Variants in KCNK4 observed in about 807,000 individuals in gnomAD.
KCNK4 encodes potassium two pore domain channel subfamily K member 4, also known as potassium channel subfamily K member 4.
KCNK4 carries 22 observed loss-of-function variants against 28.8 expected under a neutral mutation model. The observed-to-expected ratio is 0.76, with a 90% CI of 0.55 to 1.09. The LOEUF is 1.09. KCNK4 is among the 50% of genes least tolerant of loss of function. The pLI is 0.00. For missense variants in KCNK4, 483 were observed against 546.3 expected, an observed-to-expected ratio of 0.88 and a Z score of 1.15; for synonymous variants, 263 against 252.9, an observed-to-expected ratio of 1.04 and a Z score of -0.38.
At position 64,297,173 on chromosome 11, in the gene KCNK4, A is replaced by T; in HGVS notation, c.368A>T (p.Tyr123Phe). 1 of 1,614,042 alleles carries T rather than the reference A, an allele frequency of 6.2e-7. No individual in the cohort carries two copies. The highest frequency in any genetic ancestry group is 8.5e-7 in the Non-Finnish European group (1 of 1,180,016). Residue 123 changes from tyrosine to phenylalanine, a missense_variant, in exon 4 of 7, where the codon TAT becomes TTT. Tyr to Phe is a conservative substitution (Grantham distance 22). Transcript: ENST00000422670. ...TDAGRLFCIF[Y>F]ALVGIPLFGI... ...GCCGGGCGCCTCTTCTGCATCTTTT[A>T]TGCGCTGGTGGGGATTCCGCTGTTT...
Position 64,299,908 on chromosome 11 carries a change from C to A in KCNK4, c.*182C>A, listed in dbSNP as rs1245415659. 2.5e-6 allele frequency: 3 copies of A among 1,203,940 alleles called. No homozygotes were observed. Among genetic ancestry groups the A allele is most frequent in the South Asian group, 1.4e-5 (1 of 71,062 alleles). The allele number at this position is 1,203,940 out of a possible 1,614,324, so 74.6% of individuals were successfully genotyped here. ...TCACTTCCATCCATCTCTAGACCCC[C>A]CCAAGGCTTTCTGTGTCGCTGCCCC... On this transcript the variant is annotated 3_prime_UTR_variant, in exon 7 of 7. Transcript: ENST00000422670.
intron 4 of KCNK4, 46 bp downstream of exon 4, chr11:64,297,325 A>C (rs757388115): frequency 6.3e-7 from 1 of 1,585,272 alleles, no homozygotes; most frequent in Non-Finnish European, 8.6e-7. Flanking sequence ...GGCTCCGGCT[A>C]CCCTTCCCCA....
intron 2 of KCNK4, among the ~76,000 whole-genome samples, chr11:64,294,532 A>AG (rs1477457756): frequency 2.6e-5 from 4 of 151,512 alleles, no homozygotes; most frequent in South Asian, 2.1e-4. Flanking sequence ...AAAAAAAAAA[A>AG]AAAAGAAAGT....
intron 1 of KCNK4, 172 bp from the exon 2 acceptor site, chr11:64,292,770 G>C: frequency 3.3e-6 from 2 of 600,176 alleles, no homozygotes; most frequent in Non-Finnish European, 4.9e-6. Flanking sequence ...GGGCAGCGGA[G>C]GTAAGGGGAA....
At chr11:64,292,773 A>C in intron 1 of KCNK4, 169 bp from the exon 2 acceptor site, 14 of 567,840 alleles carry the variant, frequency 2.5e-5, no homozygotes, top group Admixed American at 4.7e-5. Context: ...CAGCGGAGGT[A>C]AGGGGAAGGC....
At chr11:64,297,751 T>C in intron 5 of KCNK4, 98 bp downstream of exon 5, 2 of 1,288,266 alleles carry the variant, frequency 1.6e-6, no homozygotes, top group Non-Finnish European at 1.1e-6. Context: ...ATGTGGTTGC[T>C]CTAACCCCTG....
intron 2 of KCNK4, among the ~76,000 whole-genome samples, chr11:64,293,529 G>C (rs1223370754): frequency 6.6e-6 from 1 of 152,128 alleles, no homozygotes; most frequent in Non-Finnish European, 1.5e-5. Flanking sequence ...CATTTGCACA[G>C]GTCTCACTCA....
chr11:64,291,809 G>A (rs2034635396), intron 1 of KCNK4: 1 of 158,782 alleles, frequency 6.3e-6, no homozygotes, highest in African/African-American at 2.4e-5. Context: ...GGGCTCCGGT[G>A]CGCGGGCAGG....
In KCNK4 at chr11:64,292,945, C is replaced by T. The variant is rs1479315607; in HGVS notation, c.-74C>T. The T allele has an allele frequency of 6.8e-7, 1 of 1,469,286 alleles. No individual in the cohort carries two copies. The highest frequency in any genetic ancestry group is 1.4e-5 in the South Asian group (1 of 73,180). 91.0% of individuals were successfully genotyped at this position (1,469,286 alleles called of 1,614,324 possible). ...GCATCCCTGGTTTTGCCCGCAGTGA[C>T]GACAGCTCCCCAGGAGCCCCCCGCC... On this transcript the variant is annotated 5_prime_UTR_variant, in exon 2 of 7. In the 5' UTR this introduces an upstream ATG that the reference lacks. Coordinates refer to ENST00000422670, the MANE Select transcript of KCNK4 (RefSeq NM_033310.3).
Position 64,297,177 on chromosome 11 carries a change from G to T in KCNK4, c.372G>T (p.Ala124=), listed in dbSNP as rs771505918. 4 of 1,614,030 alleles carry T rather than the reference G, an allele frequency of 2.5e-6. No individual in the cohort carries two copies. The highest frequency in any genetic ancestry group is 3.4e-6 in the Non-Finnish European group (4 of 1,180,042). The change falls in exon 4 of 7, where the codon GCG becomes GCT. Residue 124 remains alanine (A), a synonymous_variant. Transcript: ENST00000422670. ...GGCGCCTCTTCTGCATCTTTTATGC[G>T]CTGGTGGGGATTCCGCTGTTTGGGA... ...DAGRLFCIFY[A]LVGIPLFGIL...
Position 64,297,544 on chromosome 11 carries a change from C to T in KCNK4, c.552C>T (p.Val184=). Reference sequence around the variant, plus strand: ...TGCTGATCGGCTGCCTGCTCTTTGTCCTCACGCCCACGTTCGTGTTCTGCT... The same window carrying T: ...TGCTGATCGGCTGCCTGCTCTTTGTTCTCACGCCCACGTTCGTGTTCTGCT... The part of the protein sequence containing the change: ...LFLLIGCLLF[V]LTPTFVFCYM... Residue 184 remains valine (V), a synonymous_variant, in exon 5 of 7, where the codon GTC becomes GTT. Transcript: ENST00000422670. The T allele has an allele frequency of 6.2e-7, 1 of 1,614,176 alleles. No homozygotes were observed. The highest frequency in any genetic ancestry group is 8.5e-7 in the Non-Finnish European group (1 of 1,180,022).
At chr11:64,298,694 C>T (rs773668330) in intron 6 of KCNK4, among the ~76,000 whole-genome samples, 10 of 151,808 alleles carry the variant, frequency 6.6e-5, no homozygotes, top group Admixed American at 2.0e-4. Flanking sequence ...AACAAACAAA[C>T]ATTAACAACA....
chr11:64,292,852 T>C (rs2135224991), intron 1 of KCNK4, 90 bp from the exon 2 acceptor site: 1 of 1,346,464 alleles, frequency 7.4e-7, no homozygotes, highest in Non-Finnish European at 9.6e-7. Flanking sequence ...CTGGGGGCTT[T>C]ATGGATCTTT....
chr11:64,299,014 C>T (rs569922005), intron 6 of KCNK4, among the ~76,000 whole-genome samples: 2 of 134,536 alleles, frequency 1.5e-5, no homozygotes, highest in African/African-American at 2.8e-5. Flanking sequence ...GCACCCCAGC[C>T]GGGATGACAG....
chr11:64,293,624 G>A (rs1367768167), intron 2 of KCNK4, among the ~76,000 whole-genome samples: 3 of 151,082 alleles, frequency 2.0e-5, no homozygotes, highest in Admixed American at 6.6e-5. Flanking sequence ...TTTTTGAGAC[G>A]GAGTCTCCCT....
Position 64,299,500 on chromosome 11 carries a change from C to T in KCNK4, c.956C>T (p.Ser319Phe). 1 of 1,608,504 alleles carries T rather than the reference C, an allele frequency of 6.2e-7. No homozygotes were observed. The highest frequency in any genetic ancestry group is 2.2e-5 in the East Asian group (1 of 44,536). The change falls in exon 7 of 7, where the codon TCC becomes TTC. Residue 319 changes from serine to phenylalanine, a missense_variant. Coordinates refer to ENST00000422670, the MANE Select transcript of KCNK4 (RefSeq NM_033310.3). ...GCGCAGCCGCTGGGCAGGCCCCGAT[C>T]CCCTTCGCCCCCCGAGAAGGCTCAG... Reference protein sequence around the residue: ...CPAQPLGRPRSPSPPEKAQPP... With the variant: ...CPAQPLGRPRFPSPPEKAQPP...
At chr11:64,293,682 C>T (rs535229480) in intron 2 of KCNK4, among the ~76,000 whole-genome samples, 1 of 152,152 alleles carries the variant, frequency 6.6e-6, no homozygotes, top group Non-Finnish European at 1.5e-5. Context: ...CTCACAGCAA[C>T]CTCCGCCTCC....
At chr11:64,295,862 C>T (rs1238871490) in intron 2 of KCNK4, among the ~76,000 whole-genome samples, 4 of 152,002 alleles carry the variant, frequency 2.6e-5, no homozygotes, top group East Asian at 1.9e-4. Context: ...CTTTATGATA[C>T]GCCCCACAGA....
rs1440861122 is a variant in KCNK4, at chr11:64,297,597, C to T, written c.605C>T (p.Ala202Val). 1 of 1,613,966 alleles carries T rather than the reference C, an allele frequency of 6.2e-7. No individual in the cohort carries two copies. Among genetic ancestry groups the T allele is most frequent in the Non-Finnish European group, 8.5e-7 (1 of 1,179,970 alleles). Residue 202 changes from alanine (A) to valine (V), a missense_variant, in exon 5 of 7, where the codon GCC becomes GTC. Coordinates refer to ENST00000422670, the MANE Select transcript of KCNK4 (RefSeq NM_033310.3). ...ATGGAGGACTGGAGCAAGCTGGAGGCCATCTACTTTGTCATAGTGACGCTT... is the reference window on the plus strand; with the variant it reads ...ATGGAGGACTGGAGCAAGCTGGAGGTCATCTACTTTGTCATAGTGACGCTT... ...CYMEDWSKLE[A>V]IYFVIVTLTT...
Sources: allele counts gnomAD v4.1 joint callset (sites outside exome capture counted in the v4.1 genomes callset), GRCh38; gene constraint gnomAD v4.1.1; transcripts MANE v1.5; gene names NCBI Gene and HGNC (gene_info 2026-07-23, HGNC 2026-07-21).